NUF2: variants seen among roughly 807,000 people sequenced by gnomAD.
NUF2 encodes NUF2 component of NDC80 kinetochore complex.
Under a neutral mutation model 61.8 loss-of-function variants are expected in NUF2, and 34 were observed. That is an observed-to-expected ratio of 0.55 (90% confidence interval 0.42 to 0.73). The LOEUF is 0.73. Among genes scored for constraint, NUF2 ranks in the 30% least tolerant of loss-of-function variants. The probability of loss-of-function intolerance (pLI) is 0.00; values close to 1 mark genes in which losing one functional copy is unlikely to be tolerated. For missense variants in NUF2, 445 were observed against 539.1 expected, an observed-to-expected ratio of 0.83 and a Z score of 1.73; for synonymous variants, 172 against 181.6, an observed-to-expected ratio of 0.95 and a Z score of 0.42.
At chr1:163,354,668 G>A (rs2999855) in intron 13 of NUF2, among the ~76,000 whole-genome samples, 136,146 of 152,066 alleles carry the variant, frequency 0.9, 61,681 homozygotes, top group East Asian at 0.98. Flanking sequence ...TAAAATACCA[G>A]TTTCTTGTGG....
chr1:163,344,933 T>G (rs1027646117), intron 10 of NUF2, among the ~76,000 whole-genome samples: 3 of 152,080 alleles, frequency 2.0e-5, no homozygotes, highest in Non-Finnish European at 1.5e-5. Context: ...AAAATAAATT[T>G]TGTATGTATT....
At chr1:163,336,442 G>T (rs1650762743) in intron 5 of NUF2, among the ~76,000 whole-genome samples, 1 of 151,988 alleles carries the variant, frequency 6.6e-6, no homozygotes, top group Admixed American at 6.6e-5. Flanking sequence ...GTCCTATATT[G>T]CCTTTTATCC....
chr1:163,328,114 A>G (rs1396178758), intron 3 of NUF2, 114 bp from the exon 4 acceptor site: 3 of 627,856 alleles, frequency 4.8e-6, no homozygotes, highest in Non-Finnish European at 8.4e-6. Flanking sequence ...TAGGATATGT[A>G]TTAAGGTTTT....
At chr1:163,352,105 C>G (rs1157111182) in intron 13 of NUF2, among the ~76,000 whole-genome samples, 1 of 152,024 alleles carries the variant, frequency 6.6e-6, no homozygotes, top group Non-Finnish European at 1.5e-5. Flanking sequence ...TTCTCAATTG[C>G]ATCATCATTT....
At chr1:163,325,745 T>C (rs1650395923) in intron 1 of NUF2, among the ~76,000 whole-genome samples, 2 of 152,202 alleles carry the variant, frequency 1.3e-5, no homozygotes, top group Admixed American at 1.3e-4. Context: ...ACGTGGTTTC[T>C]CATCTATCTA....
At chr1:163,322,697 G>A (rs565405825) in intron 1 of NUF2, among the ~76,000 whole-genome samples, 1 of 152,216 alleles carries the variant, frequency 6.6e-6, no homozygotes, top group East Asian at 1.9e-4. Context: ...ACAAAACGAA[G>A]TGTGTAAAAT....
chr1:163,345,123 A>C (rs1054603187), intron 10 of NUF2, among the ~76,000 whole-genome samples: 2 of 152,284 alleles, frequency 1.3e-5, no homozygotes, highest in Admixed American at 1.3e-4. Flanking sequence ...CATGATTTGC[A>C]AAGAGTATTT....
intron 2 of NUF2, among the ~76,000 whole-genome samples, chr1:163,326,449 T>A (rs1027890692): frequency 6.6e-5 from 10 of 151,812 alleles, no homozygotes; most frequent in African/African-American, 1.9e-4. Flanking sequence ...TATTAAATTT[T>A]TTATTATTAT....
At chr1:163,334,840 G>C (rs1650704573) in intron 5 of NUF2, among the ~76,000 whole-genome samples, 1 of 152,154 alleles carries the variant, frequency 6.6e-6, no homozygotes, top group Non-Finnish European at 1.5e-5. Context: ...GCCCTCGGTG[G>C]ATATGAAAAG....
At chr1:163,324,567 T>G (rs1445929393) in intron 1 of NUF2, among the ~76,000 whole-genome samples, 1 of 152,206 alleles carries the variant, frequency 6.6e-6, no homozygotes, top group Non-Finnish European at 1.5e-5. Flanking sequence ...CCCATTTCAA[T>G]TTGTTTGCAA....
intron 1 of NUF2, among the ~76,000 whole-genome samples, chr1:163,325,460 A>G (rs1650386590): frequency 6.6e-6 from 1 of 152,210 alleles, no homozygotes; most frequent in Non-Finnish European, 1.5e-5. Flanking sequence ...TTTTCTTAAA[A>G]TTCTCACTCT....
intron 5 of NUF2, among the ~76,000 whole-genome samples, chr1:163,331,546 T>A (rs1438064439): frequency 2.6e-5 from 4 of 152,014 alleles, no homozygotes; most frequent in Non-Finnish European, 5.9e-5. Flanking sequence ...CCGCTTCCAT[T>A]TTTGGGAATT....
chr1:163,326,693 TCTC>T (rs967477099), intron 2 of NUF2, among the ~76,000 whole-genome samples: 6 of 152,248 alleles, frequency 3.9e-5, no homozygotes, highest in Admixed American at 1.3e-4. Context: ...AATCCCAAAG[TCTC>T]CTTCCAGTTT....
chr1:163,334,262 T>C (rs1228379417), intron 5 of NUF2, among the ~76,000 whole-genome samples: 2 of 152,198 alleles, frequency 1.3e-5, no homozygotes, highest in African/African-American at 4.8e-5. Context: ...TTGTGAATAG[T>C]GCTACAATAA....
chr1:163,345,093 A>ATT (rs1651078534), intron 10 of NUF2, among the ~76,000 whole-genome samples: 7 of 152,172 alleles, frequency 4.6e-5, no homozygotes, highest in Non-Finnish European at 8.8e-5. Flanking sequence ...GGTGCATATG[A>ATT]CAGGTAGAGG....
chr1:163,322,495 T>C (rs533837281), intron 1 of NUF2, among the ~76,000 whole-genome samples: 2 of 152,314 alleles, frequency 1.3e-5, no homozygotes, highest in East Asian at 3.9e-4. Flanking sequence ...GGTAAAAATA[T>C]CACACCTAAT....
intron 5 of NUF2, among the ~76,000 whole-genome samples, chr1:163,330,459 T>C (rs1650557480): frequency 6.6e-6 from 1 of 152,206 alleles, no homozygotes; most frequent in South Asian, 2.1e-4. Context: ...AGCAGTACTT[T>C]GATTATTTAG....
intron 4 of NUF2, 91 bp downstream of exon 4, chr1:163,328,395 A>G (rs1650496081): frequency 2.7e-6 from 2 of 751,470 alleles, no homozygotes; most frequent in Admixed American, 2.5e-5. Context: ...TTGGTAAGGA[A>G]TACCTACTAT....
intron 11 of NUF2, 62 bp from the exon 12 acceptor site, chr1:163,347,701 T>G: frequency 9.2e-7 from 1 of 1,090,102 alleles, no homozygotes; most frequent in Non-Finnish European, 1.3e-6. Context: ...AAAATATTCT[T>G]TCATTTTATT....
Sources: gnomAD v4.1 joint callset for allele counts (sites outside exome capture counted in the v4.1 genomes callset) on GRCh38, gnomAD v4.1.1 for gene constraint, MANE v1.5 for transcripts, NCBI Gene and HGNC (gene_info 2026-07-23, HGNC 2026-07-21) for gene names.